Variants in KAZN observed in about 807,000 individuals in gnomAD.
KAZN encodes the protein kazrin, periplakin interacting protein.
Under a neutral mutation model 87.4 loss-of-function variants are expected in KAZN, and 40 were observed. The observed-to-expected ratio is 0.46, with a 90% CI of 0.36 to 0.60. The LOEUF (loss-of-function observed/expected upper bound fraction) is 0.60. Among genes scored for constraint, KAZN ranks in the 20% least tolerant of loss-of-function variants. The probability of loss-of-function intolerance (pLI) is 0.00; values close to 1 mark genes in which losing one functional copy is unlikely to be tolerated. For missense variants in KAZN, 898 were observed against 1,073.9 expected, an observed-to-expected ratio of 0.84 and a Z score of 2.29; for synonymous variants, 466 against 458.3, an observed-to-expected ratio of 1.02 and a Z score of -0.22.
At chr1:13,960,960 CTCAT>C (rs1240043741) in intron 1 of KAZN, among the ~76,000 whole-genome samples, 1 of 152,134 alleles carries the variant, frequency 6.6e-6, no homozygotes, top group African/African-American at 2.4e-5. Flanking sequence ...GGGACAGTTA[CTCAT>C]TCATTCATTT....
In KAZN at chr1:15,032,016, T is replaced by C. The variant is rs576264741; in HGVS notation, c.419-2733T>C. On this transcript the variant is annotated intron_variant, in intron 2 of 14. Coordinates refer to ENST00000376030, the MANE Select transcript of KAZN (RefSeq NM_201628.3). ...GTGGTTTTTAGTATGTTCACAGAGT[T>C]ATGTATCCATCACAATAACCAATGT... 2.6e-5 allele frequency among the ~76,000 whole-genome samples: 4 copies of C among 152,154 alleles called. No homozygotes were observed. In the East Asian group the frequency reaches 7.7e-4, roughly 29 times the overall value.
intron 2 of KAZN, among the ~76,000 whole-genome samples, chr1:14,301,998 G>T (rs1654588814): frequency 6.6e-6 from 1 of 152,094 alleles, no homozygotes; most frequent in Admixed American, 6.5e-5. Context: ...GGACTCTAAG[G>T]TCTAACTGAG....
intron 2 of KAZN, among the ~76,000 whole-genome samples, chr1:14,286,879 G>C (rs1653292029): frequency 6.6e-6 from 1 of 151,932 alleles, no homozygotes; most frequent in African/African-American, 2.4e-5. Context: ...CATAATCTTG[G>C]CTGCACACAT....
chr1:15,041,474 A>AT (rs1672926252), intron 3 of KAZN, among the ~76,000 whole-genome samples: 1 of 151,106 alleles, frequency 6.6e-6, no homozygotes, highest in South Asian at 2.1e-4. Context: ...AGTAGCTGGG[A>AT]TTACAGGCAT....
chr1:14,406,748 C>T (rs530259099), intron 2 of KAZN, among the ~76,000 whole-genome samples: 2 of 152,286 alleles, frequency 1.3e-5, no homozygotes, highest in Admixed American at 1.3e-4. Context: ...AAAACACCTT[C>T]TCAGAAACAG....
intron 1 of KAZN, among the ~76,000 whole-genome samples, chr1:14,898,807 G>A (rs1655543670): frequency 6.6e-6 from 1 of 152,124 alleles, no homozygotes; most frequent in South Asian, 2.1e-4. Flanking sequence ...TCAGTGCATA[G>A]CTCCTAGCAC....
At chr1:14,539,676 T>A (rs1343822079) in intron 2 of KAZN, among the ~76,000 whole-genome samples, 1 of 152,060 alleles carries the variant, frequency 6.6e-6, no homozygotes, top group Non-Finnish European at 1.5e-5. Context: ...TATTGCAGTG[T>A]GTATCCAATG....
chr1:14,745,587 G>A (rs1019584418), intron 1 of KAZN, among the ~76,000 whole-genome samples: 10 of 152,062 alleles, frequency 6.6e-5, no homozygotes, highest in Non-Finnish European at 7.4e-5. Context: ...TCAGCATTGG[G>A]GACCCACTGC....
chr1:14,250,938 C>T (rs1649974733), intron 2 of KAZN, among the ~76,000 whole-genome samples: 1 of 151,810 alleles, frequency 6.6e-6, no homozygotes, highest in South Asian at 2.1e-4. Context: ...AATCTCCAAA[C>T]TATAAGTCTA....
At chr1:14,776,138 T>G (rs1371446580) in intron 1 of KAZN, among the ~76,000 whole-genome samples, 1 of 152,178 alleles carries the variant, frequency 6.6e-6, no homozygotes, top group East Asian at 1.9e-4. Context: ...GCCTCCCAAG[T>G]AGCTGGGATT....
At chr1:14,140,388 A>AT (rs1645210407) in intron 1 of KAZN, among the ~76,000 whole-genome samples, 1 of 152,200 alleles carries the variant, frequency 6.6e-6, no homozygotes, top group Non-Finnish European at 1.5e-5. Flanking sequence ...CGCAGGTGTA[A>AT]TAATAATTAT....
At chr1:13,962,063 C>T (rs555203559) in intron 1 of KAZN, among the ~76,000 whole-genome samples, 2 of 152,154 alleles carry the variant, frequency 1.3e-5, no homozygotes, top group Non-Finnish European at 2.9e-5. Flanking sequence ...GGAGCGTTGG[C>T]CATGCAGGAA....
rs117093038 is a variant in KAZN at position 14,838,726 on chromosome 1, A to T, written c.227-121958A>T. On this transcript the variant is annotated intron_variant, in intron 1 of 14. Transcript: ENST00000376030. ...AACCTCTGCCTCCCAGGTTCAAGTG[A>T]TTCTCATGTCTCAGCCTCCTGAGTA... is the stretch of plus-strand genomic sequence containing the variant. Among the ~76,000 whole-genome samples the T allele has an allele frequency of 9.0e-3, 1,366 of 152,206 alleles. 29 individuals are homozygous for T. The highest frequency in any genetic ancestry group is 0.04 in the Admixed American group (618 of 15,278).
chr1:14,291,456 T>C (rs1021222898), intron 2 of KAZN, among the ~76,000 whole-genome samples: 1 of 152,200 alleles, frequency 6.6e-6, no homozygotes, highest in Non-Finnish European at 1.5e-5. Context: ...GTGCTAGCAG[T>C]GAGCAAGGCT....
chr1:14,428,543 T>G (rs1349715030), intron 2 of KAZN, among the ~76,000 whole-genome samples: 2 of 152,180 alleles, frequency 1.3e-5, no homozygotes, highest in African/African-American at 4.8e-5. Context: ...CTTTAAATTA[T>G]ATGTATTAGT....
chr1:14,748,661 C>G (rs1644327779), intron 1 of KAZN, among the ~76,000 whole-genome samples: 1 of 152,296 alleles, frequency 6.6e-6, no homozygotes, highest in Middle Eastern at 3.4e-3. Context: ...GTTGGTGTCT[C>G]TTGGTCTCAA....
At chr1:14,861,883 C>T (rs1337210879) in intron 1 of KAZN, among the ~76,000 whole-genome samples, 1 of 152,206 alleles carries the variant, frequency 6.6e-6, no homozygotes, top group African/African-American at 2.4e-5. Context: ...AGCAGGGAAC[C>T]AACCAGAGGG....
At chr1:15,015,032 TTAA>T (rs1386150016) in intron 2 of KAZN, among the ~76,000 whole-genome samples, 2 of 152,214 alleles carry the variant, frequency 1.3e-5, no homozygotes, top group Non-Finnish European at 2.9e-5. Flanking sequence ...CTTCAGAGGA[TTAA>T]TAATATATAA....
At chr1:15,113,981 T>TG (rs1641751533) in intron 14 of KAZN, 1 of 154,450 alleles carries the variant, frequency 6.5e-6, no homozygotes, top group Non-Finnish European at 1.4e-5. Flanking sequence ...GTCACACAGC[T>TG]GGGAAGTGGC....
Sources: allele counts gnomAD v4.1 joint callset (sites outside exome capture counted in the v4.1 genomes callset), GRCh38; gene constraint gnomAD v4.1.1; transcripts MANE v1.5; gene names NCBI Gene and HGNC (gene_info 2026-07-23, HGNC 2026-07-21).